The following EXOC1 variants were observed in gnomAD, a reference collection of about 807,000 sequenced individuals.
EXOC1 encodes SEC3-like 1.
In EXOC1, 67 loss-of-function variants were observed where a neutral mutation model predicts 107.7. The ratio of observed to expected loss-of-function variants is 0.62; its 90% CI spans 0.51 to 0.76. The LOEUF is 0.76. Among genes scored for constraint, EXOC1 ranks in the 30% least tolerant of loss-of-function variants. The probability of loss-of-function intolerance (pLI) is 0.00; values close to 1 mark genes in which losing one functional copy is unlikely to be tolerated. For missense variants in EXOC1, 833 were observed against 1,055.7 expected, an observed-to-expected ratio of 0.79 and a Z score of 2.92; for synonymous variants, 348 against 353.5, an observed-to-expected ratio of 0.98 and a Z score of 0.17.
intron 1 of EXOC1, 45 bp from the exon 2 acceptor site, chr4:55,858,269 A>G: frequency 2.0e-6 from 3 of 1,512,548 alleles, no homozygotes; most frequent in South Asian, 1.4e-5. Flanking sequence ...ATAAGATGGA[A>G]TGATGTTGAG....
rs750614668 is a variant in EXOC1 at position 55,902,551 on chromosome 4, C to G, written c.2532+13C>G. On this transcript the variant is annotated intron_variant, in intron 18 of 18. Transcript: ENST00000381295. ...GAACTTACTTCAGGTATGCTTACTTCTTTTGACCATCTGACTTAAAGATCC... is the reference window on the plus strand; with the variant it reads ...GAACTTACTTCAGGTATGCTTACTTGTTTTGACCATCTGACTTAAAGATCC... The G allele has an allele frequency of 8.3e-6, 12 of 1,454,038 alleles. No homozygotes were observed. The highest frequency in any genetic ancestry group is 1.0e-5 in the Non-Finnish European group (11 of 1,104,872). The allele number at this position is 1,454,038 out of a possible 1,614,324, so 90.1% of individuals were successfully genotyped here. A position where few individuals can be genotyped will look rare whatever the true frequency, so the allele number is the denominator to read the frequency against.
Position 55,860,482 on chromosome 4 carries a change from AG to A in EXOC1, c.198del (p.Arg66SerfsTer13). ...KKSDKGDFYK[R>X]QIAWALRDLA... ...ATCCGATAAGGGAGATTTCTACAAA[AG>A]GCAGATTGCATGGGCCCTTCGAGAT... On this transcript the variant is annotated frameshift_variant, in exon 3 of 19. Coordinates refer to ENST00000381295, the MANE Select transcript of EXOC1 (RefSeq NM_001024924.2). LOFTEE classifies it high-confidence loss of function. 6.2e-7 allele frequency: 1 copy of A among 1,614,112 alleles called. No individual in the cohort carries two copies. Among genetic ancestry groups the A allele is most frequent in the Non-Finnish European group, 8.5e-7 (1 of 1,179,974 alleles).
intron 16 of EXOC1, among the ~76,000 whole-genome samples, chr4:55,897,363 T>C (rs185477677): frequency 3.3e-4 from 50 of 152,238 alleles, no homozygotes; most frequent in Admixed American, 6.5e-4. Flanking sequence ...TTTTAACAAG[T>C]GGTCTTCTAG....
intron 10 of EXOC1, among the ~76,000 whole-genome samples, chr4:55,884,600 G>A (rs189250179): frequency 3.3e-5 from 5 of 152,294 alleles, no homozygotes; most frequent in South Asian, 2.1e-4. Flanking sequence ...GTGATTTGCC[G>A]AGGCCACATT....
intron 3 of EXOC1, among the ~76,000 whole-genome samples, chr4:55,860,821 CTTGT>C (rs376714834): frequency 2.4e-4 from 36 of 151,110 alleles, no homozygotes; most frequent in South Asian, 6.3e-4. Context: ...GTTTTTTTTG[CTTGT>C]TTGTTTGTTT....
intron 4 of EXOC1, among the ~76,000 whole-genome samples, chr4:55,866,426 C>T (rs890449232): frequency 3.3e-5 from 5 of 151,974 alleles, no homozygotes; most frequent in Admixed American, 6.6e-5. Flanking sequence ...TTTTTACTTG[C>T]CTCAATCTTG....
intron 9 of EXOC1, among the ~76,000 whole-genome samples, chr4:55,882,329 A>G (rs1407575122): frequency 2.6e-5 from 4 of 152,040 alleles, no homozygotes; most frequent in African/African-American, 7.2e-5. Context: ...CTGTAGATAC[A>G]GGGTTTCACC....
rs1386234232 is a variant in EXOC1, at chr4:55,899,991, G to A, written c.2337+107G>A. The A allele has an allele frequency of 1.1e-5, 10 of 906,840 alleles. No homozygotes were observed. In the African/African-American group the frequency reaches 1.5e-4, roughly 14 times the overall value. The allele number at this position is 906,840 out of a possible 1,614,324, so 56.2% of individuals were successfully genotyped here. On this transcript the variant is annotated intron_variant, in intron 17 of 18. Coordinates refer to ENST00000381295, the MANE Select transcript of EXOC1 (RefSeq NM_001024924.2). ...ATCTTAAATTTTCTCATGTGTTGGT[G>A]CACAGGGGACTCAGTTATTGAAGCT...
chr4:55,887,078 G>T, intron 10 of EXOC1, among the ~76,000 whole-genome samples: 1 of 151,530 alleles, frequency 6.6e-6, no homozygotes. Flanking sequence ...TTTTTCCTTT[G>T]TATTCTACAA....
In EXOC1 at chr4:55,864,146, G is replaced by A. The variant is rs764238338; in HGVS notation, c.256-81G>A. The A allele has an allele frequency of 1.2e-4, 105 of 910,058 alleles. 1 individual carries two copies. Among genetic ancestry groups the A allele is most frequent in the South Asian group, 8.5e-4 (41 of 48,014 alleles). 56.4% of individuals were successfully genotyped at this position (910,058 alleles called of 1,614,324 possible). On this transcript the variant is annotated intron_variant, in intron 3 of 18. Coordinates refer to ENST00000381295, the MANE Select transcript of EXOC1 (RefSeq NM_001024924.2). ...ATACTCTTCATTTTCCAAAAACAGC[G>A]TAAATGCCTATGCAGATTTTACATT...
At chr4:55,855,402 T>G (rs973181369) in intron 1 of EXOC1, among the ~76,000 whole-genome samples, 1 of 152,160 alleles carries the variant, frequency 6.6e-6, no homozygotes, top group African/African-American at 2.4e-5. Flanking sequence ...CCTGGACATT[T>G]GCTTATAGAT....
In EXOC1 at chr4:55,904,689, C is replaced by A; in HGVS notation, c.*194C>A. On this transcript the variant is annotated 3_prime_UTR_variant, in exon 19 of 19. Coordinates refer to ENST00000381295, the MANE Select transcript of EXOC1 (RefSeq NM_001024924.2). The stretch of plus-strand genomic sequence containing the variant: ...AACCTATATAGCAGTTTTATTTGCC[C>A]TATAGGTTGCATACTAACTTAAGCA... 1 of 445,498 alleles carries A rather than the reference C, an allele frequency of 2.2e-6. No individual in the cohort carries two copies. The highest frequency in any genetic ancestry group is 3.8e-6 in the Non-Finnish European group (1 of 262,796). 27.6% of individuals were successfully genotyped at this position (445,498 alleles called of 1,614,324 possible).
intron 15 of EXOC1, among the ~76,000 whole-genome samples, chr4:55,895,304 A>T (rs1347957089): frequency 6.6e-6 from 1 of 152,120 alleles, no homozygotes; most frequent in African/African-American, 2.4e-5. Context: ...GCCCCTCAAT[A>T]AGGTAGATTG....
chr4:55,872,809 G>A, intron 8 of EXOC1: 1 of 977,446 alleles, frequency 1.0e-6, no homozygotes, highest in Non-Finnish European at 1.2e-6. Context: ...TTCGGTTCCT[G>A]TGAGTACATC....
At chr4:55,864,449 AC>A in intron 4 of EXOC1, 63 bp downstream of exon 4, 1 of 1,345,576 alleles carries the variant, frequency 7.4e-7, no homozygotes, top group Non-Finnish European at 1.0e-6. Context: ...ATATAATTTG[AC>A]ATCATTCAAA....
chr4:55,889,201 A>G (rs955329532), intron 11 of EXOC1, among the ~76,000 whole-genome samples: 1 of 152,180 alleles, frequency 6.6e-6, no homozygotes, highest in African/African-American at 2.4e-5. Context: ...GGCTGTTTAG[A>G]AACTATAAAA....
intron 9 of EXOC1, among the ~76,000 whole-genome samples, chr4:55,879,393 CAGAGCGTTCCTATTGTGCTTGCA>C (rs1390250687): frequency 6.6e-6 from 1 of 152,182 alleles, no homozygotes; most frequent in Non-Finnish European, 1.5e-5. Context: ...TGCCCTAAGG[CAGAGCGTTCCTATTGTGCTTGCA>C]GAGCAGGGAG....
chr4:55,883,697 C>T (rs1723616213), intron 9 of EXOC1, 126 bp from the exon 10 acceptor site: 4 of 525,082 alleles, frequency 7.6e-6, no homozygotes, highest in Non-Finnish European at 1.3e-5. Flanking sequence ...TTTTTATATC[C>T]TGTGAAATAC....
In EXOC1 at chr4:55,890,892, T is replaced by G. The variant is rs148296074; in HGVS notation, c.1540-423T>G. ...ACAGGTGCCTGCCACCACACCCAGC[T>G]AATTTTTGTATTTTTAGTGGAGATG... On this transcript the variant is annotated intron_variant, in intron 12 of 18. Coordinates refer to ENST00000381295, the MANE Select transcript of EXOC1 (RefSeq NM_001024924.2). Among the ~76,000 whole-genome samples, 668 of 152,256 alleles carry G rather than the reference T, an allele frequency of 4.4e-3. 3 individuals carry two copies. The highest frequency in any genetic ancestry group is 0.015 in the African/African-American group (618 of 41,558).
Sources: gnomAD v4.1 joint callset for allele counts (sites outside exome capture counted in the v4.1 genomes callset) on GRCh38, gnomAD v4.1.1 for gene constraint, MANE v1.5 for transcripts, NCBI Gene and HGNC (gene_info 2026-07-23, HGNC 2026-07-21) for gene names.